TTC9C: variants seen among roughly 807,000 people sequenced by gnomAD.
The protein encoded by TTC9C is tetratricopeptide repeat domain 9C.
A neutral mutation model predicts 22.5 loss-of-function variants in TTC9C; 15 were observed. The ratio of observed to expected loss-of-function variants is 0.67; its 90% CI spans 0.45 to 1.03. TTC9C has a LOEUF of 1.03. TTC9C is among the 50% of genes least tolerant of loss of function. The pLI, the probability that TTC9C is intolerant of heterozygous loss-of-function variation, is 0.00. For missense variants in TTC9C, 244 were observed against 214.6 expected, an observed-to-expected ratio of 1.14 and a Z score of -0.86; for synonymous variants, 92 against 86.8, an observed-to-expected ratio of 1.06 and a Z score of -0.33.
chr11:62,728,460 G>A (rs1208775205), upstream of TTC9C: 1 of 467,254 alleles, frequency 2.1e-6, no homozygotes, highest in East Asian at 6.6e-5. Context: ...TCGGGGGGGG[G>A]CGGGTCCAAT....
At chr11:62,729,398 TTTTA>T (rs2083817928) in intron 1 of TTC9C, among the ~76,000 whole-genome samples, 2 of 139,086 alleles carry the variant, frequency 1.4e-5, no homozygotes, top group African/African-American at 5.1e-5. Context: ...TTTTATTTTA[TTTTA>T]TTTTATTTTT....
intron 1 of TTC9C, among the ~76,000 whole-genome samples, chr11:62,733,609 A>T (rs959010219): frequency 6.8e-6 from 1 of 147,648 alleles, no homozygotes; most frequent in Non-Finnish European, 1.5e-5. Flanking sequence ...AATTTATCTA[A>T]TTTTTTTTTT....
At chr11:62,733,022 C>A in intron 1 of TTC9C, 3 of 434,790 alleles carry the variant, frequency 6.9e-6, no homozygotes, top group South Asian at 2.5e-5. Context: ...AGAAGGGATA[C>A]AGACATCAGC....
chr11:62,729,003 T>G lies in TTC9C; in HGVS notation c.155T>G (p.Leu52Arg). 2 of 1,614,064 alleles carry G rather than the reference T, an allele frequency of 1.2e-6. No homozygotes were observed. Among genetic ancestry groups the G allele is most frequent in the Non-Finnish European group, 1.7e-6 (2 of 1,180,018 alleles). Residue 52 changes from leucine (L) to arginine (R), a missense_variant, in exon 1 of 3, where the codon CTC becomes CGC. Coordinates refer to ENST00000316461, the MANE Select transcript of TTC9C (RefSeq NM_173810.4). Reference sequence around the variant, plus strand: ...AGTCTGCCCTCTCCGTTACCTAATCTCGGACCTCAGGGCCCGGCCCTCACG... The same window carrying G: ...AGTCTGCCCTCTCCGTTACCTAATCGCGGACCTCAGGGCCCGGCCCTCACG... ...DPSLPSPLPNLGPQGPALTPE... is the reference protein window; with the variant it reads ...DPSLPSPLPNRGPQGPALTPE...
rs1164414647 is a variant in TTC9C, at chr11:62,738,449, TGAGCCTCAG to T, written c.*68_*76del. ...ATTAAACATGCATGAAGGAGAAATC[TGAGCCTCAG>T]CAAGAGAAATTAACCCTATACCTCT... On this transcript the variant is annotated 3_prime_UTR_variant, in exon 3 of 3. Transcript: ENST00000316461. The T allele has an allele frequency of 8.6e-7, 1 of 1,161,704 alleles. No homozygotes were observed. Among genetic ancestry groups the T allele is most frequent in the Non-Finnish European group, 1.3e-6 (1 of 793,056 alleles). The allele number at this position is 1,161,704 out of a possible 1,614,324, so 72.0% of individuals were successfully genotyped here. A position where few individuals can be genotyped will look rare whatever the true frequency, so the allele number is the denominator to read the frequency against.
intron 2 of TTC9C, among the ~76,000 whole-genome samples, chr11:62,737,816 A>T (rs1472323598): frequency 6.6e-6 from 1 of 152,160 alleles, no homozygotes; most frequent in East Asian, 1.9e-4. Flanking sequence ...GTGGATCACG[A>T]GGTCAGGAGT....
chr11:62,729,123 A>G (rs2083810546), intron 1 of TTC9C, 37 bp downstream of exon 1: 5 of 1,575,018 alleles, frequency 3.2e-6, no homozygotes, highest in Non-Finnish European at 4.4e-6. Flanking sequence ...GAGAGCATTA[A>G]GACAGGAACA....
Position 62,735,531 on chromosome 11 carries a change from T to C in TTC9C, c.388T>C (p.Tyr130His). Residue 130 changes from tyrosine to histidine, a missense_variant, in exon 2 of 3, where the codon TAC becomes CAC. Tyr to His is a moderately conservative substitution (Grantham distance 83). Transcript: ENST00000316461. The stretch of plus-strand genomic sequence containing the variant: ...GCAGGACTATGACCAGGCCCGCCAC[T>C]ACCTCCTGGCTGCCGTGAATAGGCA... ...HLQDYDQARH[Y>H]LLAAVNRQPK... is the part of the protein sequence containing the mutation. The C allele has an allele frequency of 1.2e-6, 2 of 1,613,894 alleles. No homozygotes were observed. The highest frequency in any genetic ancestry group is 1.7e-6 in the Non-Finnish European group (2 of 1,179,796).
intron 2 of TTC9C, among the ~76,000 whole-genome samples, chr11:62,737,507 A>G (rs968884399): frequency 6.6e-6 from 1 of 152,214 alleles, no homozygotes; most frequent in Admixed American, 6.6e-5. Context: ...ATTCTGGCTT[A>G]CAATAGCCAC....
chr11:62,729,551 A>G (rs1282436165), intron 1 of TTC9C, among the ~76,000 whole-genome samples: 1 of 148,904 alleles, frequency 6.7e-6, no homozygotes, highest in African/African-American at 2.5e-5. Context: ...GGCGCCCGCC[A>G]GCCACCACGC....
At position 62,729,028 on chromosome 11, in the gene TTC9C, G is replaced by A; in HGVS notation, c.180G>A (p.Thr60=). The change falls in exon 1 of 3, where the codon ACG becomes ACA. Residue 60 remains threonine (T), a synonymous_variant. Transcript: ENST00000316461. ...PNLGPQGPAL[T]PEQENILHTT... ...TCGGACCTCAGGGCCCGGCCCTCAC[G>A]CCTGAACAAGAAAACATATTGCATA... The A allele has an allele frequency of 6.2e-7, 1 of 1,614,044 alleles. No individual in the cohort carries two copies. The highest frequency in any genetic ancestry group is 8.5e-7 in the Non-Finnish European group (1 of 1,180,012).
chr11:62,732,477 G>A (rs538194605), intron 1 of TTC9C, among the ~76,000 whole-genome samples: 2 of 152,060 alleles, frequency 1.3e-5, no homozygotes, highest in Non-Finnish European at 2.9e-5. Flanking sequence ...AGGCGTGGTG[G>A]TGCATGCCTG....
chr11:62,736,407 G>A (rs527528004), intron 2 of TTC9C, among the ~76,000 whole-genome samples: 6 of 151,558 alleles, frequency 4.0e-5, no homozygotes, highest in Admixed American at 4.0e-4. Context: ...AAAATCAGCC[G>A]GGTGTGGCCG....
intron 1 of TTC9C, among the ~76,000 whole-genome samples, chr11:62,731,261 A>G (rs1401852234): frequency 6.6e-6 from 1 of 152,114 alleles, no homozygotes; most frequent in African/African-American, 2.4e-5. Flanking sequence ...CTGTCTTTCC[A>G]GCTAGAATGC....
intron 2 of TTC9C, among the ~76,000 whole-genome samples, chr11:62,737,985 C>A (rs569352517): frequency 6.6e-6 from 1 of 152,132 alleles, no homozygotes; most frequent in Admixed American, 6.6e-5. Flanking sequence ...AAGTGGAGAT[C>A]CCATGCTATT....
At position 62,738,489 on chromosome 11, in the gene TTC9C, A is replaced by G; in HGVS notation, c.*107A>G. 2 of 737,166 alleles carry G rather than the reference A, an allele frequency of 2.7e-6. No individual in the cohort carries two copies. Among genetic ancestry groups the G allele is most frequent in the South Asian group, 3.7e-5 (2 of 53,948 alleles). 45.7% of individuals were successfully genotyped at this position (737,166 alleles called of 1,614,324 possible). On this transcript the variant is annotated 3_prime_UTR_variant, in exon 3 of 3. Coordinates refer to ENST00000316461, the MANE Select transcript of TTC9C (RefSeq NM_173810.4). Reference sequence around the variant, plus strand: ...GAAATTAACCCTATACCTCTGACCCAGGTGGATTTTTGTTTCTAGTTCTGC... The same window carrying G: ...GAAATTAACCCTATACCTCTGACCCGGGTGGATTTTTGTTTCTAGTTCTGC...
At position 62,728,644 on chromosome 11, in the gene TTC9C, T is replaced by C; in HGVS notation, c.-205T>C. The C allele has an allele frequency of 1.4e-6, 1 of 689,770 alleles. No homozygotes were observed. 42.7% of individuals were successfully genotyped at this position (689,770 alleles called of 1,614,324 possible). On this transcript the variant is annotated 5_prime_UTR_variant, in exon 1 of 3. Transcript: ENST00000316461. ...CCTTTCCTTACTACTTGCCTGCACTTCTTGAGAAAAAGACTGCAGAAAGGA... is the reference window on the plus strand; with the variant it reads ...CCTTTCCTTACTACTTGCCTGCACTCCTTGAGAAAAAGACTGCAGAAAGGA...
In TTC9C at chr11:62,729,067, C is replaced by G. The variant is rs541234456; in HGVS notation, c.219C>G (p.Asp73Glu). 3.1e-6 allele frequency: 5 copies of G among 1,614,020 alleles called. No homozygotes were observed. Among genetic ancestry groups the G allele is most frequent in the Non-Finnish European group, 3.4e-6 (4 of 1,179,962 alleles). Reference protein sequence around the residue: ...QENILHTTQTDCYNNLAACLL... With the variant: ...QENILHTTQTECYNNLAACLL... Reference sequence around the variant, plus strand: ...ACATATTGCATACCACCCAGACAGACTGCTATAACAATCTAGCTGGTAAGA... The same window carrying G: ...ACATATTGCATACCACCCAGACAGAGTGCTATAACAATCTAGCTGGTAAGA... The change falls in exon 1 of 3, where the codon GAC becomes GAG. Residue 73 changes from aspartate (D) to glutamate (E), a missense_variant. Physicochemically the swap from Asp to Glu is conservative, Grantham distance 45. Transcript: ENST00000316461.
At chr11:62,732,877 G>A (rs543787761) in intron 1 of TTC9C, among the ~76,000 whole-genome samples, 7 of 152,114 alleles carry the variant, frequency 4.6e-5, no homozygotes, top group African/African-American at 7.2e-5. Flanking sequence ...AGCCAAGATC[G>A]TACCAGTGCA....
Sources: allele counts gnomAD v4.1 joint callset (sites outside exome capture counted in the v4.1 genomes callset), GRCh38; gene constraint gnomAD v4.1.1; transcripts MANE v1.5; gene names NCBI Gene and HGNC (gene_info 2026-07-23, HGNC 2026-07-21).